Variants in ASIC2 observed in about 807,000 individuals in gnomAD.
The protein encoded by ASIC2 is acid-sensing ion channel 2.
ASIC2 carries 25 observed loss-of-function variants against 57.3 expected under a neutral mutation model. The observed-to-expected ratio is 0.44, with a 90% CI of 0.32 to 0.61. The LOEUF (loss-of-function observed/expected upper bound fraction) is 0.61. ASIC2 is among the 20% of genes least tolerant of loss of function. ASIC2 has a pLI of 0.06. For missense variants in ASIC2, 641 were observed against 738.1 expected, an observed-to-expected ratio of 0.87 and a Z score of 1.52; for synonymous variants, 319 against 307.5, an observed-to-expected ratio of 1.04 and a Z score of -0.39.
chr17:33,354,804 A>G (rs933318542), intron 1 of ASIC2, among the ~76,000 whole-genome samples: 3 of 151,960 alleles, frequency 2.0e-5, no homozygotes, highest in Non-Finnish European at 4.4e-5. Flanking sequence ...GCCTCCTAGG[A>G]TGATTACTTG....
intron 1 of ASIC2, among the ~76,000 whole-genome samples, chr17:33,395,723 T>C (rs1011305149): frequency 3.3e-5 from 5 of 152,180 alleles, no homozygotes; most frequent in African/African-American, 1.2e-4. Flanking sequence ...TCTGGCCTTA[T>C]GATGGGGAAG....
intron 1 of ASIC2, among the ~76,000 whole-genome samples, chr17:33,768,423 T>A (rs186566876): frequency 9.8e-5 from 15 of 152,302 alleles, no homozygotes; most frequent in Admixed American, 7.8e-4. Context: ...AAGAGAGAAT[T>A]TATTTTTGCT....
chr17:33,809,683 C>T (rs1375609842), intron 1 of ASIC2, among the ~76,000 whole-genome samples: 5 of 152,028 alleles, frequency 3.3e-5, no homozygotes, highest in Non-Finnish European at 7.4e-5. Context: ...GAACCCAGCC[C>T]GAAAACTTAT....
intron 1 of ASIC2, among the ~76,000 whole-genome samples, chr17:34,030,387 G>C (rs186875125): frequency 6.6e-6 from 1 of 152,328 alleles, no homozygotes; most frequent in Non-Finnish European, 1.5e-5. Context: ...AAGCCAAGAT[G>C]GCTGAATAGG....
intron 1 of ASIC2, among the ~76,000 whole-genome samples, chr17:34,101,452 C>T (rs550855872): frequency 3.9e-5 from 6 of 152,330 alleles, no homozygotes; most frequent in African/African-American, 1.2e-4. Flanking sequence ...AACAAACACA[C>T]GGCTCAACTC....
At chr17:33,076,954 A>T (rs547908399) in intron 3 of ASIC2, among the ~76,000 whole-genome samples, 2 of 152,188 alleles carry the variant, frequency 1.3e-5, no homozygotes, top group Non-Finnish European at 2.9e-5. Flanking sequence ...TAAGAAGTAA[A>T]ACTGCCAGGT....
At chr17:34,140,132 G>A (rs904497728) in intron 1 of ASIC2, among the ~76,000 whole-genome samples, 4 of 152,176 alleles carry the variant, frequency 2.6e-5, no homozygotes, top group Non-Finnish European at 5.9e-5. Context: ...CAGCCAGAGT[G>A]CACACAAGGA....
intron 1 of ASIC2, among the ~76,000 whole-genome samples, chr17:33,452,622 G>A (rs1912292167): frequency 6.6e-6 from 1 of 152,152 alleles, no homozygotes; most frequent in African/African-American, 2.4e-5. Flanking sequence ...GGACTTTTTA[G>A]TGCTTTGCAT....
intron 1 of ASIC2, among the ~76,000 whole-genome samples, chr17:33,123,036 T>C (rs2092309216): frequency 6.6e-6 from 1 of 152,212 alleles, no homozygotes; most frequent in Non-Finnish European, 1.5e-5. Flanking sequence ...GTGTACACTG[T>C]TGGTGGGAAT....
chr17:33,659,614 T>G lies in ASIC2; in HGVS notation c.555+496364A>C, dbSNP rs994525985. ...GGCGGGGCGCGGTGGCTCACGCCTG[T>G]AATCCCAGCTCTTTGGGAGGCCGAG... On this transcript the variant is annotated intron_variant, in intron 1 of 9. Coordinates refer to the ASIC2 transcript ENST00000359872. 3.9e-5 allele frequency among the ~76,000 whole-genome samples: 6 copies of G among 152,236 alleles called. No individual in the cohort carries two copies. The East Asian group carries it at 1.2e-3, about 29-fold the overall frequency.
chr17:33,131,015 G>A (rs1482416632), intron 1 of ASIC2, among the ~76,000 whole-genome samples: 1 of 152,202 alleles, frequency 6.6e-6, no homozygotes, highest in East Asian at 1.9e-4. Context: ...CATCTGTAAA[G>A]TGGAAGATAG....
At chr17:33,410,865 G>T (rs1324965988) in intron 1 of ASIC2, among the ~76,000 whole-genome samples, 2 of 152,222 alleles carry the variant, frequency 1.3e-5, no homozygotes, top group Admixed American at 6.5e-5. Context: ...GCAGATGTTT[G>T]TATCCAGCTG....
chr17:33,260,370 C>T (rs563874160), intron 1 of ASIC2, among the ~76,000 whole-genome samples: 3 of 152,288 alleles, frequency 2.0e-5, no homozygotes, highest in South Asian at 2.1e-4. Context: ...GCAGAATCTG[C>T]GGGCACATTA....
intron 1 of ASIC2, among the ~76,000 whole-genome samples, chr17:34,059,849 G>A (rs1037317318): frequency 3.3e-5 from 5 of 152,288 alleles, no homozygotes; most frequent in African/African-American, 1.2e-4. Flanking sequence ...ACCCGCCCAA[G>A]GAGAGTTTGA....
At chr17:33,607,550 C>A (rs548725591) in intron 1 of ASIC2, among the ~76,000 whole-genome samples, 60 of 152,288 alleles carry the variant, frequency 3.9e-4, no homozygotes, top group African/African-American at 1.4e-3. Context: ...GGAAATGGGC[C>A]ATGGTTGTAT....
intron 1 of ASIC2, among the ~76,000 whole-genome samples, chr17:33,968,342 G>A (rs915592690): frequency 2.0e-5 from 3 of 152,140 alleles, no homozygotes; most frequent in African/African-American, 4.8e-5. Flanking sequence ...GAATCTCTGC[G>A]GAGACCTCTA....
intron 1 of ASIC2, among the ~76,000 whole-genome samples, chr17:33,691,157 G>A (rs1233225615): frequency 1.3e-5 from 2 of 152,040 alleles, no homozygotes; most frequent in African/African-American, 4.8e-5. Flanking sequence ...CCAAACTTTT[G>A]TTGTTAAAAA....
chr17:33,062,959 G>A lies in ASIC2; in HGVS notation c.987+25904C>T, dbSNP rs2092026999. On this transcript the variant is annotated intron_variant, in intron 3 of 9. Transcript: ENST00000225823. ...TTTGATCTTTGTTGGTTTAAAGTCT[G>A]TTTTATCAGTGACTAGGATTGCAAC... 4.6e-5 allele frequency among the ~76,000 whole-genome samples: 7 copies of A among 152,238 alleles called. No individual in the cohort carries two copies. In the South Asian group the frequency reaches 1.5e-3, roughly 32 times the overall value.
At chr17:34,082,572 C>T (rs907723714) in intron 1 of ASIC2, among the ~76,000 whole-genome samples, 12 of 152,240 alleles carry the variant, frequency 7.9e-5, no homozygotes, top group African/African-American at 2.7e-4. Flanking sequence ...AGGCCAGCTT[C>T]TGCAAAAATG....
Sources: allele counts gnomAD v4.1 joint callset (sites outside exome capture counted in the v4.1 genomes callset), GRCh38; gene constraint gnomAD v4.1.1; transcripts MANE v1.5; gene names NCBI Gene and HGNC (gene_info 2026-07-23, HGNC 2026-07-21).